The following WDR45B variants were observed in gnomAD, a reference collection of about 807,000 sequenced individuals.
WDR45B encodes WD repeat domain 45B.
A neutral mutation model predicts 44.6 loss-of-function variants in WDR45B; 20 were observed. The observed-to-expected ratio is 0.45, with a 90% CI of 0.32 to 0.65. WDR45B has a LOEUF of 0.65. Ranked by LOEUF, WDR45B falls within the 30% of genes least tolerant of loss-of-function variation. The probability of loss-of-function intolerance (pLI) is 0.05; values close to 1 mark genes in which losing one functional copy is unlikely to be tolerated. For synonymous variants in WDR45B, 169 were observed against 164.9 expected (o/e 1.02, Z -0.19); for missense variants, 323 against 430.2 (o/e 0.75, Z 2.20).
chr17:82,648,119 C>T (rs1390797357), intron 1 of WDR45B, among the ~76,000 whole-genome samples, 155 bp downstream of exon 1: 1 of 150,600 alleles, frequency 6.6e-6, no homozygotes, highest in Non-Finnish European at 1.5e-5. Flanking sequence ...CGGCGAGGGC[C>T]GGGGCCGGGG....
chr17:82,628,926 G>A (rs1257592101), intron 3 of WDR45B, among the ~76,000 whole-genome samples: 3 of 152,014 alleles, frequency 2.0e-5, no homozygotes, highest in African/African-American at 7.3e-5. Flanking sequence ...CTGAGCCTGG[G>A]GAGGTAGAAG....
intron 3 of WDR45B, 63 bp downstream of exon 3, chr17:82,630,858 G>A (rs1047553178): frequency 2.7e-5 from 39 of 1,435,204 alleles, no homozygotes; most frequent in Admixed American, 1.3e-4. Context: ...AAACATAAAC[G>A]CATTCAAAAA....
intron 2 of WDR45B, chr17:82,636,706 T>C (rs990439992): frequency 6.6e-6 from 1 of 152,056 alleles, no homozygotes; most frequent in Non-Finnish European, 1.5e-5. Flanking sequence ...TTAACTTCCT[T>C]ATCCTTTGTT....
intron 2 of WDR45B, among the ~76,000 whole-genome samples, chr17:82,640,733 T>C (rs922826811): frequency 1.3e-5 from 2 of 152,138 alleles, no homozygotes; most frequent in Non-Finnish European, 2.9e-5. Context: ...AAAAAGACAG[T>C]GTGGCCCTAC....
chr17:82,647,831 C>A lies in WDR45B; in HGVS notation c.67+443G>T, dbSNP rs541509980. Among the ~76,000 whole-genome samples the A allele has an allele frequency of 2.6e-5, 4 of 151,926 alleles. No homozygotes were observed. In the East Asian group the frequency reaches 7.8e-4, roughly 30 times the overall value. On this transcript the variant is annotated intron_variant, in intron 1 of 9. Coordinates refer to ENST00000392325, the MANE Select transcript of WDR45B (RefSeq NM_019613.4). ...TAAAGACCCTGAAAGGAACAGGGGG[C>A]AAAACGGGGTTCTGGGCAGGGCGTC...
chr17:82,633,176 A>T (rs2045790624), intron 2 of WDR45B, among the ~76,000 whole-genome samples: 1 of 152,020 alleles, frequency 6.6e-6, no homozygotes, highest in Non-Finnish European at 1.5e-5. Flanking sequence ...AAAAAAAAAA[A>T]AAAAACCAGC....
intron 2 of WDR45B, among the ~76,000 whole-genome samples, chr17:82,641,833 G>C (rs1044033454): frequency 1.3e-5 from 2 of 151,280 alleles, no homozygotes; most frequent in Non-Finnish European, 1.5e-5. Flanking sequence ...GGGAGGCGGA[G>C]CTTGCAGTGA....
intron 1 of WDR45B, chr17:82,644,349 C>T: frequency 1.0e-5 from 4 of 395,134 alleles, no homozygotes; most frequent in South Asian, 9.0e-5. Context: ...TAGAGGAAAG[C>T]CACCAAGCAG....
intron 2 of WDR45B, among the ~76,000 whole-genome samples, chr17:82,638,027 A>G (rs116148957): frequency 0.029 from 4,305 of 149,378 alleles, 230 homozygotes; most frequent in African/African-American, 0.1. Flanking sequence ...TACAAAACAA[A>G]CAAAAAAACG....
chr17:82,618,768 C>G (rs1488840191), intron 7 of WDR45B, among the ~76,000 whole-genome samples: 1 of 152,072 alleles, frequency 6.6e-6, no homozygotes, highest in Non-Finnish European at 1.5e-5. Flanking sequence ...CAAAAAAAAC[C>G]CACCAACAAC....
At chr17:82,624,175 T>C (rs1180749687) in intron 5 of WDR45B, among the ~76,000 whole-genome samples, 3 of 151,950 alleles carry the variant, frequency 2.0e-5, no homozygotes, top group African/African-American at 7.3e-5. Flanking sequence ...GTAACACACA[T>C]ACACACACAC....
At chr17:82,625,901 T>TA in intron 4 of WDR45B, 1 of 252,896 alleles carries the variant, frequency 4.0e-6, no homozygotes, top group East Asian at 1.1e-4. Flanking sequence ...ACTTTTTTTT[T>TA]ATAGATGGAG....
At chr17:82,626,130 C>T (rs572638057) in intron 4 of WDR45B, among the ~76,000 whole-genome samples, 92 of 152,060 alleles carry the variant, frequency 6.1e-4, no homozygotes, top group African/African-American at 2.1e-3. Flanking sequence ...ATCCGCCTGC[C>T]TCAGCCTCCC....
intron 2 of WDR45B, among the ~76,000 whole-genome samples, chr17:82,637,866 G>A (rs2045855700): frequency 6.6e-6 from 1 of 151,608 alleles, no homozygotes; most frequent in East Asian, 1.9e-4. Flanking sequence ...CTCTGGGGAG[G>A]GTCCTGAGAC....
At chr17:82,639,186 T>G (rs11655621) in intron 2 of WDR45B, among the ~76,000 whole-genome samples, 31,046 of 151,906 alleles carry the variant, frequency 0.2, 3,543 homozygotes, top group Middle Eastern at 0.29. Flanking sequence ...TATTCTCTAC[T>G]TTCTTTTTCC....
At chr17:82,623,910 C>A (rs118078890) in intron 5 of WDR45B, among the ~76,000 whole-genome samples, 2 of 151,794 alleles carry the variant, frequency 1.3e-5, no homozygotes, top group African/African-American at 4.8e-5. Flanking sequence ...ACGCACGGAA[C>A]GGCTACAGCT....
In WDR45B at chr17:82,648,404, G is replaced by A. The variant is rs2046011094; in HGVS notation, c.-64C>T. 5 of 1,569,388 alleles carry A rather than the reference G, an allele frequency of 3.2e-6. No homozygotes were observed. The highest frequency in any genetic ancestry group is 2.4e-5 in the East Asian group (1 of 41,698). On this transcript the variant is annotated 5_prime_UTR_variant, in exon 1 of 10. Transcript: ENST00000392325. Reference sequence around the variant, plus strand: ...TGCCTCTCGCTGGGGACGGCGGCCTGGTCCCTTCGGGCCGGCGCTGAGGCC... The same window carrying A: ...TGCCTCTCGCTGGGGACGGCGGCCTAGTCCCTTCGGGCCGGCGCTGAGGCC...
chr17:82,625,180 C>A (rs1317771828), intron 5 of WDR45B, among the ~76,000 whole-genome samples: 1 of 152,092 alleles, frequency 6.6e-6, no homozygotes, highest in African/African-American at 2.4e-5. Context: ...GGGACAGGGG[C>A]CCCCACTCTG....
chr17:82,619,542 G>A (rs113803392), intron 6 of WDR45B, among the ~76,000 whole-genome samples: 3,527 of 148,988 alleles, frequency 0.024, 145 homozygotes, highest in African/African-American at 0.082. Context: ...ACGGGAATCC[G>A]GCCATCAAAA....
Sources: gnomAD v4.1 joint callset for allele counts (sites outside exome capture counted in the v4.1 genomes callset) on GRCh38, gnomAD v4.1.1 for gene constraint, MANE v1.5 for transcripts, NCBI Gene and HGNC (gene_info 2026-07-23, HGNC 2026-07-21) for gene names.